Variants in DIAPH1 observed in about 807,000 individuals in gnomAD.
The protein encoded by DIAPH1 is diaphanous related formin 1.
In DIAPH1, 46 loss-of-function variants were observed where a neutral mutation model predicts 140.7. That is an observed-to-expected ratio of 0.33 (90% confidence interval 0.26 to 0.42). DIAPH1 has a LOEUF of 0.42. Ranked by LOEUF, DIAPH1 falls within the 10% of genes least tolerant of loss-of-function variation. DIAPH1 has a pLI of 1.00. For missense variants in DIAPH1, 1,310 were observed against 1,558.7 expected, an observed-to-expected ratio of 0.84 and a Z score of 2.69; for synonymous variants, 565 against 551.6, an observed-to-expected ratio of 1.02 and a Z score of -0.34.
At chr5:141,560,443 TAAC>T (rs1355029715) in intron 18 of DIAPH1, among the ~76,000 whole-genome samples, 1 of 152,210 alleles carries the variant, frequency 6.6e-6, no homozygotes, top group Non-Finnish European at 1.5e-5. Flanking sequence ...TATAAAATCT[TAAC>T]AAGCAAAGGA....
At chr5:141,577,444 T>A in intron 12 of DIAPH1, 31 bp downstream of exon 12, 1 of 1,469,998 alleles carries the variant, frequency 6.8e-7, no homozygotes, top group East Asian at 2.3e-5. Flanking sequence ...TAGGCTCAAA[T>A]TCAAAACTTC....
At chr5:141,584,936 T>C (rs955947346) in intron 3 of DIAPH1, among the ~76,000 whole-genome samples, 1 of 151,916 alleles carries the variant, frequency 6.6e-6, no homozygotes. Flanking sequence ...TAATCTGAAG[T>C]TTCTGTGACT....
At chr5:141,604,550 C>T (rs188238559) in intron 1 of DIAPH1, among the ~76,000 whole-genome samples, 8 of 152,316 alleles carry the variant, frequency 5.3e-5, no homozygotes, top group Admixed American at 5.2e-4. Flanking sequence ...ATCTACTCTT[C>T]CTCAAGGGTG....
Position 141,573,980 on chromosome 5 carries a change from C to G in DIAPH1, c.1870G>C (p.Gly624Arg). 6.5e-7 allele frequency: 1 copy of G among 1,545,338 alleles called. No individual in the cohort carries two copies. The highest frequency in any genetic ancestry group is 1.2e-5 in the South Asian group (1 of 83,766). Residue 624 changes from glycine to arginine, a missense_variant, in exon 16 of 28, where the codon GGT (glycine) becomes CGT (arginine). Around this residue, in one of 3 missense-constraint regions of DIAPH1, gnomAD observed 589 missense variants for 549.3 expected, o/e 1.07. Coordinates refer to ENST00000389054, the MANE Select transcript of DIAPH1 (RefSeq NM_005219.5). ...PPPPPPPLPG[G>R]VCISSPPSLP... ...GAAGGGGGTGAGGAGATGCAAACACCCCCAGGCAAAGGAGGTGGAGGAGGA... is the reference window on the plus strand; with the variant it reads ...GAAGGGGGTGAGGAGATGCAAACACGCCCAGGCAAAGGAGGTGGAGGAGGA...
intron 1 of DIAPH1, among the ~76,000 whole-genome samples, chr5:141,615,396 G>T (rs1392658576): frequency 7.7e-6 from 1 of 130,030 alleles, no homozygotes; most frequent in East Asian, 2.3e-4. Flanking sequence ...TCGCGCCACT[G>T]CACTGCAGCC....
intron 18 of DIAPH1, among the ~76,000 whole-genome samples, chr5:141,554,293 A>G (rs2099892207): frequency 6.6e-6 from 1 of 152,162 alleles, no homozygotes; most frequent in African/African-American, 2.4e-5. Flanking sequence ...GCTCCCCCCA[A>G]AAAAAGGAAT....
At chr5:141,588,139 A>G (rs2099897826) in intron 2 of DIAPH1, 85 bp downstream of exon 2, 1 of 1,138,302 alleles carries the variant, frequency 8.8e-7, no homozygotes, top group Non-Finnish European at 1.3e-6. Flanking sequence ...TATAAGTTAC[A>G]GAAAGTCAAA....
intron 18 of DIAPH1, among the ~76,000 whole-genome samples, chr5:141,550,233 C>T (rs1048636296): frequency 1.3e-5 from 2 of 151,918 alleles, no homozygotes; most frequent in Non-Finnish European, 2.9e-5. Context: ...AAATAAAGCA[C>T]CAAAAATGTA....
At position 141,592,081 on chromosome 5, in the gene DIAPH1, C is replaced by CA. The variant is rs1169137676; in HGVS notation, c.118-3832dup. 8.1e-3 allele frequency among the ~76,000 whole-genome samples: 705 copies of CA among 86,828 alleles called. 1 individual carries two copies. The highest frequency in any genetic ancestry group is 0.017 in the African/African-American group (392 of 22,688). 57.0% of individuals were successfully genotyped at this position (86,828 alleles called of 152,430 possible). A position where few individuals can be genotyped will look rare whatever the true frequency, so the allele number is the denominator to read the frequency against. On this transcript the variant is annotated intron_variant, in intron 1 of 27. Coordinates refer to ENST00000389054, the MANE Select transcript of DIAPH1 (RefSeq NM_005219.5). Reference sequence around the variant, plus strand: ...TGGGTGACAGAGCGAGACTCTGTATCAAAAAAAAAAAAAAAGAAAGAAAGA... The same window carrying CA: ...TGGGTGACAGAGCGAGACTCTGTATCAAAAAAAAAAAAAAAAGAAAGAAAGA...
chr5:141,527,427 A>C, intron 24 of DIAPH1, 146 bp downstream of exon 24: 1 of 895,272 alleles, frequency 1.1e-6, no homozygotes, highest in Non-Finnish European at 1.7e-6. Flanking sequence ...AAATACTAAC[A>C]AACCCAAAAA....
chr5:141,518,965 C>T, intron 27 of DIAPH1: 4 of 1,550,758 alleles, frequency 2.6e-6, no homozygotes, highest in African/African-American at 1.4e-5. Context: ...TCTCCTCCTC[C>T]TCCTCTACTT....
At chr5:141,615,534 G>A (rs963298585) in intron 1 of DIAPH1, among the ~76,000 whole-genome samples, 6 of 151,758 alleles carry the variant, frequency 4.0e-5, no homozygotes, top group Non-Finnish European at 8.8e-5. Flanking sequence ...GAGGTCAGGA[G>A]ATCGACAACA....
intron 1 of DIAPH1, among the ~76,000 whole-genome samples, chr5:141,605,524 CA>C (rs2099900787): frequency 6.6e-6 from 1 of 152,186 alleles, no homozygotes; most frequent in Non-Finnish European, 1.5e-5. Flanking sequence ...TACTCTTCTC[CA>C]GTGGTATTTT....
chr5:141,560,928 G>A (rs2099893432), intron 18 of DIAPH1: 1 of 455,852 alleles, frequency 2.2e-6, no homozygotes, highest in East Asian at 7.0e-5. Flanking sequence ...GGAAAGGGTG[G>A]GGAAAGATGA....
chr5:141,583,687 T>A, intron 4 of DIAPH1, 72 bp from the exon 5 acceptor site: 1 of 1,576,328 alleles, frequency 6.3e-7, no homozygotes. Flanking sequence ...TATTAGTCAA[T>A]AGAGTTTATA....
In DIAPH1 at chr5:141,528,516, T is replaced by C. The variant is rs1462848253; in HGVS notation, c.3085A>G (p.Asn1029Asp). 6.2e-7 allele frequency: 1 copy of C among 1,614,106 alleles called. No homozygotes were observed. The highest frequency in any genetic ancestry group is 8.5e-7 in the Non-Finnish European group (1 of 1,180,050). ...AACTTGAGGACATCGGGATAGTCAT[T>C]CTCACACAACTCAGCCAAGAAGTGT... ...LLHFLAELCENDYPDVLKFPD... is the reference protein window; with the variant it reads ...LLHFLAELCEDDYPDVLKFPD... Residue 1029 changes from asparagine (N) to aspartate (D), a missense_variant, in exon 23 of 28, where the codon AAT becomes GAT. Transcript: ENST00000389054.
chr5:141,553,409 G>A (rs753054814), intron 18 of DIAPH1, among the ~76,000 whole-genome samples: 2 of 152,200 alleles, frequency 1.3e-5, no homozygotes, highest in Non-Finnish European at 2.9e-5. Flanking sequence ...GGAGGTCAAG[G>A]CAGGTGGATC....
chr5:141,580,729 A>T lies in DIAPH1; in HGVS notation c.824+15T>A, dbSNP rs2099896630. ...AAATTGAAAATGGAGAAGAAAAATT[A>T]TTCCAGTCACATACATGTCCTCTGG... On this transcript the variant is annotated intron_variant, in intron 8 of 27. Coordinates refer to ENST00000389054, the MANE Select transcript of DIAPH1 (RefSeq NM_005219.5). 1 of 1,613,218 alleles carries T rather than the reference A, an allele frequency of 6.2e-7. No homozygotes were observed. The highest frequency in any genetic ancestry group is 1.7e-5 in the Admixed American group (1 of 60,006).
intron 1 of DIAPH1, among the ~76,000 whole-genome samples, chr5:141,604,237 C>G (rs905947178): frequency 6.6e-6 from 1 of 152,178 alleles, no homozygotes; most frequent in Non-Finnish European, 1.5e-5. Flanking sequence ...AAGCTTCCTT[C>G]CTTTCAAACA....
Sources: gnomAD v4.1 joint callset for allele counts (sites outside exome capture counted in the v4.1 genomes callset) on GRCh38, gnomAD v4.1.1 for gene constraint, gnomAD v4.1.1 regional missense constraint, MANE v1.5 for transcripts, NCBI Gene and HGNC (gene_info 2026-07-23, HGNC 2026-07-21) for gene names.